The following PLA2G4C variants were observed in gnomAD, a reference collection of about 807,000 sequenced individuals.
The protein encoded by PLA2G4C is phospholipase A2 group IVC.
In PLA2G4C, 64 loss-of-function variants were observed where a neutral mutation model predicts 73.8. The ratio of observed to expected loss-of-function variants is 0.87; its 90% CI spans 0.71 to 1.07. The LOEUF is 1.07. Among genes scored for constraint, PLA2G4C ranks in the 50% least tolerant of loss-of-function variants. The pLI is 0.00. For missense variants in PLA2G4C, 622 were observed against 665.4 expected (o/e 0.93, Z 0.72); for synonymous variants, 254 against 252.1 (o/e 1.01, Z -0.07).
chr19:48,074,657 T>C (rs1182046964), intron 12 of PLA2G4C, 110 bp downstream of exon 12: 1 of 755,014 alleles, frequency 1.3e-6, no homozygotes, highest in East Asian at 2.5e-5. Context: ...CAGTGGGACA[T>C]CTGGTCATGT....
At chr19:48,053,967 T>C (rs747691869) in intron 15 of PLA2G4C, among the ~76,000 whole-genome samples, 26 of 151,996 alleles carry the variant, frequency 1.7e-4, no homozygotes, top group Middle Eastern at 3.2e-3. Context: ...GGTTGGATAT[T>C]CAGGTAGGAC....
intron 5 of PLA2G4C, among the ~76,000 whole-genome samples, chr19:48,098,615 A>C (rs2031730284): frequency 6.7e-6 from 1 of 149,068 alleles, no homozygotes; most frequent in Non-Finnish European, 1.5e-5. Flanking sequence ...GCTGTGGCTC[A>C]TACCCATAAT....
chr19:48,106,726 A>C, intron 1 of PLA2G4C, 165 bp from the exon 2 acceptor site: 2 of 585,802 alleles, frequency 3.4e-6, no homozygotes, highest in South Asian at 2.2e-5. Flanking sequence ...GAGTTTAATA[A>C]TCTCAGGGGC....
rs767459026 is a variant in PLA2G4C, at chr19:48,074,753, A to G, written c.1006+14T>C. 28 of 1,570,178 alleles carry G rather than the reference A, an allele frequency of 1.8e-5. No individual in the cohort carries two copies. Among genetic ancestry groups the G allele is most frequent in the Non-Finnish European group, 2.5e-5 (28 of 1,140,104 alleles). On this transcript the variant is annotated intron_variant, in intron 12 of 16. Coordinates refer to ENST00000599921, the MANE Select transcript of PLA2G4C (RefSeq NM_003706.3). ...ACTTACTGTTGATGACACTTATCAC[A>G]CTACACATGGTACCTTTCCTTTCGG...
At chr19:48,098,336 A>AC (rs2031714725) in intron 5 of PLA2G4C, 77 bp from the exon 6 acceptor site, 1 of 1,117,620 alleles carries the variant, frequency 8.9e-7, no homozygotes, top group African/African-American at 1.7e-5. Context: ...CGTAGGCCAC[A>AC]TTTTTTTTTA....
chr19:48,109,322 A>G (rs2032374204), intron 1 of PLA2G4C, among the ~76,000 whole-genome samples: 1 of 151,744 alleles, frequency 6.6e-6, no homozygotes, highest in Non-Finnish European at 1.5e-5. Context: ...CCCAGGCTGG[A>G]GTGCAGTGGT....
In PLA2G4C at chr19:48,099,725, A is replaced by C; in HGVS notation, c.393T>G (p.Asn131Lys). 6.2e-7 allele frequency: 1 copy of C among 1,614,098 alleles called. No homozygotes were observed. The highest frequency in any genetic ancestry group is 8.5e-7 in the Non-Finnish European group (1 of 1,180,014). Reference protein sequence around the residue: ...QKTIQAARSENYSLTDFWAYM... With the variant: ...QKTIQAARSEKYSLTDFWAYM... ...AGGCCCAGAAGTCGGTCAGAGAGTAATTCTCAGACCTCGCTGCTTGGATGG... is the reference window on the plus strand; with the variant it reads ...AGGCCCAGAAGTCGGTCAGAGAGTACTTCTCAGACCTCGCTGCTTGGATGG... Residue 131 changes from asparagine to lysine, a missense_variant, in exon 5 of 17, where the codon AAT becomes AAG. By Grantham distance (94) the Asn-to-Lys change is moderately conservative. Transcript: ENST00000599921.
chr19:48,101,696 T>TTTTTTTTAAC (rs2031929726), intron 4 of PLA2G4C, among the ~76,000 whole-genome samples: 1 of 144,196 alleles, frequency 6.9e-6, no homozygotes, highest in Admixed American at 7.1e-5. Flanking sequence ...TTTTTTGAGA[T>TTTTTTTTAAC]GGAGTTTCAC....
At chr19:48,094,431 C>T (rs995048814) in intron 7 of PLA2G4C, among the ~76,000 whole-genome samples, 1 of 152,168 alleles carries the variant, frequency 6.6e-6, no homozygotes, top group African/African-American at 2.4e-5. Context: ...TAGTGTGTCT[C>T]AAAAGTGTAT....
chr19:48,067,176 T>G (rs866095152), intron 13 of PLA2G4C, among the ~76,000 whole-genome samples: 4 of 150,592 alleles, frequency 2.7e-5, no homozygotes, highest in African/African-American at 4.9e-5. Flanking sequence ...GTGTGTTGTT[T>G]TTTTTTTTTT....
At chr19:48,048,480 G>A (rs1967604048) in intron 16 of PLA2G4C, 92 bp from the exon 17 acceptor site, 1 of 774,198 alleles carries the variant, frequency 1.3e-6, no homozygotes. Context: ...GCCTCTACAG[G>A]TCATACATGA....
intron 2 of PLA2G4C, among the ~76,000 whole-genome samples, chr19:48,105,837 C>CCCTTCCTT (rs1383776948): frequency 5.4e-5 from 2 of 37,360 alleles, no homozygotes; most frequent in African/African-American, 6.9e-4. Context: ...CTCCCTCCCT[C>CCCTTCCTT]CCTTCCTTCC....
chr19:48,078,540 T>C (rs1303732516), intron 10 of PLA2G4C, among the ~76,000 whole-genome samples: 2 of 152,172 alleles, frequency 1.3e-5, no homozygotes, highest in African/African-American at 2.4e-5. Context: ...AAAATCAATG[T>C]ACACAAACAG....
At chr19:48,088,188 T>C (rs893525176) in intron 9 of PLA2G4C, among the ~76,000 whole-genome samples, 6 of 152,124 alleles carry the variant, frequency 3.9e-5, no homozygotes, top group Admixed American at 2.6e-4. Flanking sequence ...TCCAGCCCTG[T>C]AGGCAACAGT....
At chr19:48,082,391 C>T (rs2030634502) in intron 10 of PLA2G4C, among the ~76,000 whole-genome samples, 1 of 151,866 alleles carries the variant, frequency 6.6e-6, no homozygotes, top group Admixed American at 6.6e-5. Flanking sequence ...AAGCTAAGTC[C>T]TGATACACGT....
intron 11 of PLA2G4C, among the ~76,000 whole-genome samples, chr19:48,076,847 C>T (rs897272919): frequency 6.6e-6 from 1 of 152,150 alleles, no homozygotes; most frequent in East Asian, 1.9e-4. Context: ...GAACACTCAA[C>T]CCATATCGCT....
At chr19:48,067,661 T>G (rs1482387674) in intron 13 of PLA2G4C, 130 bp downstream of exon 13, 4 of 723,550 alleles carry the variant, frequency 5.5e-6, no homozygotes, top group Non-Finnish European at 1.0e-5. Flanking sequence ...CCTGGGCCCT[T>G]TGACACCACC....
chr19:48,054,804 A>T (rs1169091641), intron 15 of PLA2G4C, 74 bp downstream of exon 15: 5 of 1,321,998 alleles, frequency 3.8e-6, no homozygotes, highest in Non-Finnish European at 3.3e-6. Flanking sequence ...ACCCAGTCTC[A>T]GGTATGTTTT....
At chr19:48,064,161 G>T (rs550101462) in intron 13 of PLA2G4C, among the ~76,000 whole-genome samples, 2 of 152,314 alleles carry the variant, frequency 1.3e-5, no homozygotes, top group South Asian at 4.1e-4. Flanking sequence ...GGGCACGGTG[G>T]CTCACGCCTG....
Sources: allele counts gnomAD v4.1 joint callset (sites outside exome capture counted in the v4.1 genomes callset), GRCh38; gene constraint gnomAD v4.1.1; transcripts MANE v1.5; gene names NCBI Gene and HGNC (gene_info 2026-07-23, HGNC 2026-07-21).